SLC7A10: variants seen among roughly 807,000 people sequenced by gnomAD.
SLC7A10 encodes the protein solute carrier family 7 member 10, also known as asc-type amino acid transporter 1.
SLC7A10 carries 30 observed loss-of-function variants against 52.7 expected under a neutral mutation model. The observed-to-expected ratio is 0.57, with a 90% confidence interval of 0.43 to 0.77. The LOEUF is 0.77. Among genes scored for constraint, SLC7A10 ranks in the 30% least tolerant of loss-of-function variants. The pLI is 0.00. For missense variants in SLC7A10, 581 were observed against 698.5 expected, an observed-to-expected ratio of 0.83 and a Z score of 1.90; for synonymous variants, 318 against 314.9, an observed-to-expected ratio of 1.01 and a Z score of -0.10.
rs1017205755 is a variant in SLC7A10 at position 33,212,699 on chromosome 19, C to T, written c.509-60G>A. The stretch of plus-strand genomic sequence containing the variant: ...GGGACCTTTCACAGTGGACCATGGC[C>T]AAGTCCAGCCCAGGCGGCCCGAGAA... On this transcript the variant is annotated intron_variant, in intron 3 of 10. Coordinates refer to ENST00000253188, the MANE Select transcript of SLC7A10 (RefSeq NM_019849.3). 1.9e-6 allele frequency: 3 copies of T among 1,612,494 alleles called. No individual in the cohort carries two copies. The East Asian group carries it at 6.7e-5, about 36-fold the overall frequency.
rs1974508336 is a variant in SLC7A10, at chr19:33,210,046, T to G, written c.1263+421A>C. ...GCCTCAACCTCCCGGGCTCAAGCGA[T>G]CCTCCCATTTCAGCCTCTCAAGTAG... On this transcript the variant is annotated intron_variant, in intron 9 of 10. Transcript: ENST00000253188. This position sits in a 1 kb window ranked among gnomAD's most constrained non-coding sequence, Gnocchi z 5.6. Among the ~76,000 whole-genome samples, 1 of 151,610 alleles carries G rather than the reference T, an allele frequency of 6.6e-6. No homozygotes were observed.
At chr19:33,218,697 TAGTAG>T (rs1194712654) in intron 1 of SLC7A10, among the ~76,000 whole-genome samples, 8 of 28,024 alleles carry the variant, frequency 2.9e-4, no homozygotes, top group African/African-American at 5.9e-4. Flanking sequence ...TTTTTTTTTT[TAGTAG>T]AGATGGGGTT....
chr19:33,217,272 G>A (rs1052228062), intron 1 of SLC7A10, among the ~76,000 whole-genome samples: 16 of 151,322 alleles, frequency 1.1e-4, no homozygotes, highest in Middle Eastern at 3.5e-3. Flanking sequence ...TCGGCCTCCC[G>A]AAGTGCTGGG....
intron 9 of SLC7A10, among the ~76,000 whole-genome samples, 188 bp from the exon 10 acceptor site, chr19:33,209,673 G>A (rs1211572673): frequency 2.6e-5 from 4 of 152,106 alleles, no homozygotes; most frequent in Non-Finnish European, 5.9e-5. Flanking sequence ...TCAGGCCGTT[G>A]GCCAGTTTTG....
intron 1 of SLC7A10, chr19:33,220,239 T>G (rs1007735357): frequency 2.0e-5 from 3 of 152,164 alleles, no homozygotes; most frequent in Admixed American, 6.5e-5. Context: ...TAACCCACTT[T>G]CCTTTGGAGA....
chr19:33,210,808 G>C lies in SLC7A10; in HGVS notation c.1107C>G (p.Leu369=), dbSNP rs771119472. ...VRHCTPIPAL[L]VCCGATAVIM... ...CCCAGGTCCCCCAACTTACACAGAC[G>C]AGGAGGGCGGGGATGGGGGTGCAGT... Residue 369 remains leucine (L), a synonymous_variant, in exon 8 of 11, where the codon CTC becomes CTG. Coordinates refer to ENST00000253188, the MANE Select transcript of SLC7A10 (RefSeq NM_019849.3). The surrounding 1 kb of genome is among the most constrained non-coding windows in gnomAD (Gnocchi z 5.6). 1 of 1,613,478 alleles carries C rather than the reference G, an allele frequency of 6.2e-7. No individual in the cohort carries two copies. Among genetic ancestry groups the C allele is most frequent in the East Asian group, 2.2e-5 (1 of 44,874 alleles).
chr19:33,219,614 T>G (rs1432932615), intron 1 of SLC7A10, among the ~76,000 whole-genome samples: 2 of 152,226 alleles, frequency 1.3e-5, no homozygotes, highest in Non-Finnish European at 2.9e-5. Context: ...GTGGGGCCAC[T>G]GGGCTAGGGG....
chr19:33,221,531 A>G (rs1044955030), intron 1 of SLC7A10, among the ~76,000 whole-genome samples: 38 of 152,146 alleles, frequency 2.5e-4, no homozygotes, highest in African/African-American at 9.2e-4. Flanking sequence ...CTCACCTGTA[A>G]ATGGAACTGT....
rs958441496 is a variant in SLC7A10 at position 33,225,583 on chromosome 19, C to G, written c.121G>C (p.Gly41Arg). The G allele has an allele frequency of 6.9e-6, 11 of 1,596,408 alleles. No individual in the cohort carries two copies. The highest frequency in any genetic ancestry group is 9.3e-6 in the Non-Finnish European group (11 of 1,179,292). ...ATGATGGTGCAGGCGCTCAGCAGCC[C>G]GATCTCCTTCTTGAGCGCCACCCGC... ...SERVALKKEIGLLSACTIIIG... is the reference protein window; with the variant it reads ...SERVALKKEIRLLSACTIIIG... The change falls in exon 1 of 11, where the codon GGG becomes CGG. Residue 41 changes from glycine (G) to arginine (R), a missense_variant. By Grantham distance (125) the Gly-to-Arg change is moderately radical. Transcript: ENST00000253188.
chr19:33,209,221 C>T (rs1599943443), intron 10 of SLC7A10, 87 bp downstream of exon 10: 1 of 1,577,634 alleles, frequency 6.3e-7, no homozygotes, highest in East Asian at 2.3e-5. Flanking sequence ...GCTAGGACAC[C>T]CTGCTCTGGG....
chr19:33,213,135 G>T, intron 2 of SLC7A10, 133 bp from the exon 3 acceptor site: 11 of 1,162,246 alleles, frequency 9.5e-6, no homozygotes, highest in Non-Finnish European at 1.4e-5. Context: ...GGCCAGCACC[G>T]GTCCAGGGAG....
intron 6 of SLC7A10, 34 bp from the exon 7 acceptor site, chr19:33,211,362 G>T (rs1974548260): frequency 3.1e-6 from 5 of 1,613,906 alleles, no homozygotes; most frequent in Non-Finnish European, 4.2e-6. Context: ...CATGTGTAAG[G>T]CCGGGGCAGG....
Position 33,212,967 on chromosome 19 carries a change from T to C in SLC7A10, c.392A>G (p.Tyr131Cys). The change falls in exon 3 of 11, where the codon TAC becomes TGC. Residue 131 changes from tyrosine to cysteine, a missense_variant. By Grantham distance (194) the Tyr-to-Cys change is radical. Coordinates refer to ENST00000253188, the MANE Select transcript of SLC7A10 (RefSeq NM_019849.3). ...LLLWSAVLIM[Y>C]PTSLAVISMT... ...GGAGATGACAGCAAGGCTGGTGGGG[T>C]ACATGATGAGGACGGCGCTCCAGAG... 6.2e-7 allele frequency: 1 copy of C among 1,613,494 alleles called. No individual in the cohort carries two copies. The highest frequency in any genetic ancestry group is 8.5e-7 in the Non-Finnish European group (1 of 1,179,812).
chr19:33,215,816 A>G lies in SLC7A10; in HGVS notation c.309T>C (p.Ser103=). Reference sequence around the variant, plus strand: ...CTGTGACGTAGGCGTAGTCCCCGCCAGACTTGGGGATGGCGACTCCCAGCT... The same window carrying G: ...CTGTGACGTAGGCGTAGTCCCCGCCGGACTTGGGGATGGCGACTCCCAGCT... ...YAELGVAIPK[S]GGDYAYVTEI... The change falls in exon 2 of 11, where the codon TCT becomes TCC. Residue 103 remains serine (S), a synonymous_variant. Coordinates refer to ENST00000253188, the MANE Select transcript of SLC7A10 (RefSeq NM_019849.3). The G allele has an allele frequency of 6.3e-7, 1 of 1,581,528 alleles. No individual in the cohort carries two copies. Among genetic ancestry groups the G allele is most frequent in the Non-Finnish European group, 8.6e-7 (1 of 1,164,178 alleles).
In SLC7A10 at chr19:33,210,921, G is replaced by A; in HGVS notation, c.1017-23C>T. 6.2e-7 allele frequency: 1 copy of A among 1,604,536 alleles called. No homozygotes were observed. The highest frequency in any genetic ancestry group is 1.1e-5 in the South Asian group (1 of 90,852). On this transcript the variant is annotated intron_variant, in intron 7 of 10. Transcript: ENST00000253188. The surrounding 1 kb of genome is among the most constrained non-coding windows in gnomAD (Gnocchi z 5.6). Reference sequence around the variant, plus strand: ...AGCCTAGCGTTGGGGACAGATATGGGCACTGGCCACATCCTGGGTCTCAGC... The same window carrying A: ...AGCCTAGCGTTGGGGACAGATATGGACACTGGCCACATCCTGGGTCTCAGC...
rs1274342811 is a variant in SLC7A10 at position 33,209,353 on chromosome 19, C to G, written c.1396G>C (p.Gly466Arg). The G allele has an allele frequency of 1.2e-6, 2 of 1,614,022 alleles. No homozygotes were observed. The highest frequency in any genetic ancestry group is 1.7e-6 in the Non-Finnish European group (2 of 1,180,008). Reference protein sequence around the residue: ...ILTGVPIFFLGVFWRSKPKCV... With the variant: ...ILTGVPIFFLRVFWRSKPKCV... ...TTTGGTTTGCTTCTCCAGAACACTC[C>G]CAGAAAGAAAATGGGCACCCCCGTA... is the stretch of plus-strand genomic sequence containing the variant. Residue 466 changes from glycine (G) to arginine (R), a missense_variant, in exon 10 of 11, where the codon GGA becomes CGA. Gly to Arg is a moderately radical substitution (Grantham distance 125). Transcript: ENST00000253188.
In SLC7A10 at chr19:33,225,626, G is replaced by A; in HGVS notation, c.78C>T (p.Thr26=). 5.7e-6 allele frequency: 9 copies of A among 1,591,354 alleles called. No individual in the cohort carries two copies. The highest frequency in any genetic ancestry group is 7.6e-6 in the Non-Finnish European group (9 of 1,177,486). The change falls in exon 1 of 11, where the codon ACC becomes ACT. Residue 26 remains threonine, a synonymous_variant. Coordinates refer to ENST00000253188, the MANE Select transcript of SLC7A10 (RefSeq NM_019849.3). ...PAPSPSPVPG[T]VPGASERVAL... ...CCACCCGCTCCGAGGCGCCGGGGAC[G>A]GTCCCTGGGACTGGGGAGGGCGAGG... is the stretch of plus-strand genomic sequence containing the variant.
In SLC7A10 at chr19:33,208,948, A is replaced by C. The variant is rs1190472873; in HGVS notation, c.1515T>G (p.Asn505Lys). ...GCAGCAGGGAGGGTGGGCAGGGGCCATTCTCCTCCTCTTCGGGGGCGTCCT... is the reference window on the plus strand; with the variant it reads ...GCAGCAGGGAGGGTGGGCAGGGGCCCTTCTCCTCCTCTTCGGGGGCGTCCT... ...YPQDAPEEEENGPCPPSLLPA... is the reference protein window; with the variant it reads ...YPQDAPEEEEKGPCPPSLLPA... The change falls in exon 11 of 11, where the codon AAT becomes AAG. Residue 505 changes from asparagine to lysine, a missense_variant. Asn to Lys is a moderately conservative substitution (Grantham distance 94). Coordinates refer to ENST00000253188, the MANE Select transcript of SLC7A10 (RefSeq NM_019849.3). This position sits in a 1 kb window ranked among gnomAD's most constrained non-coding sequence, Gnocchi z 4.7. 1 of 1,613,578 alleles carries C rather than the reference A, an allele frequency of 6.2e-7. No individual in the cohort carries two copies. Among genetic ancestry groups the C allele is most frequent in the Non-Finnish European group, 8.5e-7 (1 of 1,179,972 alleles).
chr19:33,215,961 C>T lies in SLC7A10; in HGVS notation c.164G>A (p.Gly55Asp), dbSNP rs778907325. The stretch of plus-strand genomic sequence containing the variant: ...CTTGGGCGAGATGAAGATGCCCGAG[C>T]CGATGATGTTCCCTGCAGGGGGAGA... ...ACTIIIGNII[G>D]SGIFISPKGV... Residue 55 changes from glycine (G) to aspartate (D), a missense_variant, in exon 2 of 11, where the codon GGC (glycine) becomes GAC (aspartate). Gly to Asp is a moderately conservative substitution (Grantham distance 94, BLOSUM62 -1). Transcript: ENST00000253188. 1 of 1,586,822 alleles carries T rather than the reference C, an allele frequency of 6.3e-7. No individual in the cohort carries two copies. Among genetic ancestry groups the T allele is most frequent in the African/African-American group, 1.3e-5 (1 of 74,580 alleles).
Sources: gnomAD v4.1 joint callset for allele counts (sites outside exome capture counted in the v4.1 genomes callset) on GRCh38, gnomAD v4.1.1 for gene constraint, Gnocchi (gnomAD v3.1) non-coding constraint, MANE v1.5 for transcripts, NCBI Gene and HGNC (gene_info 2026-07-23, HGNC 2026-07-21) for gene names.